The following CDK8 variants were observed in gnomAD, a reference collection of about 807,000 sequenced individuals.
CDK8 encodes cyclin-dependent kinase 8.
Under a neutral mutation model 71.5 loss-of-function variants are expected in CDK8, and 29 were observed. The observed-to-expected ratio is 0.41, with a 90% confidence interval of 0.30 to 0.55. The LOEUF (loss-of-function observed/expected upper bound fraction) is 0.55, where lower values mean the gene tolerates loss of function less well. CDK8 is among the 20% of genes least tolerant of loss of function. The pLI is 0.37. For missense variants in CDK8, 288 were observed against 572.6 expected, an observed-to-expected ratio of 0.50 and a Z score of 5.07; for synonymous variants, 161 against 192.1, an observed-to-expected ratio of 0.84 and a Z score of 1.34.
chr13:26,350,885 A>G (rs1019387679), intron 3 of CDK8, among the ~76,000 whole-genome samples: 10 of 152,268 alleles, frequency 6.6e-5, no homozygotes, highest in African/African-American at 2.4e-4. Context: ...TATTTTTTAA[A>G]TTGGTATTTG....
intron 4 of CDK8, among the ~76,000 whole-genome samples, chr13:26,361,608 TG>T (rs1404571110): frequency 6.6e-6 from 1 of 152,228 alleles, no homozygotes; most frequent in East Asian, 1.9e-4. Flanking sequence ...GTATGGGTAC[TG>T]GAAGTACAGT....
chr13:26,369,526 ATT>A (rs1203523401), intron 4 of CDK8, among the ~76,000 whole-genome samples: 8 of 98,436 alleles, frequency 8.1e-5, no homozygotes, highest in South Asian at 3.6e-4. Flanking sequence ...AGGTTGGACG[ATT>A]TTTTTTTTTT....
chr13:26,262,589 A>C (rs1871819812), intron 1 of CDK8, among the ~76,000 whole-genome samples: 1 of 152,252 alleles, frequency 6.6e-6, no homozygotes, highest in Admixed American at 6.5e-5. Flanking sequence ...CAAAGGCAAG[A>C]GCAAGCTCGG....
At chr13:26,307,551 T>C (rs1874100635) in intron 1 of CDK8, among the ~76,000 whole-genome samples, 1 of 152,208 alleles carries the variant, frequency 6.6e-6, no homozygotes, top group African/African-American at 2.4e-5. Context: ...TTTAGCTCAG[T>C]GAGACCTATG....
At chr13:26,276,141 G>GT (rs1872555897) in intron 1 of CDK8, among the ~76,000 whole-genome samples, 3 of 152,286 alleles carry the variant, frequency 2.0e-5, no homozygotes, top group African/African-American at 7.2e-5. Context: ...GATTACAGGC[G>GT]TGAGTAACCG....
At chr13:26,347,131 G>A (rs906033898) in intron 2 of CDK8, among the ~76,000 whole-genome samples, 2 of 151,912 alleles carry the variant, frequency 1.3e-5, no homozygotes, top group African/African-American at 4.8e-5. Flanking sequence ...TTTACTGGAT[G>A]GATTGTTAGG....
chr13:26,394,752 G>A (rs1875905463), intron 7 of CDK8, among the ~76,000 whole-genome samples: 1 of 152,170 alleles, frequency 6.6e-6, no homozygotes, highest in African/African-American at 2.4e-5. Context: ...AAAGCAGGCA[G>A]CAGAGGTTAG....
chr13:26,280,193 G>A (rs1419621042), intron 1 of CDK8, among the ~76,000 whole-genome samples: 1 of 152,168 alleles, frequency 6.6e-6, no homozygotes, highest in African/African-American at 2.4e-5. Flanking sequence ...TTTTCAGCGA[G>A]AATACTTAGG....
At chr13:26,280,804 G>A (rs9512178) in intron 1 of CDK8, among the ~76,000 whole-genome samples, 8,174 of 152,300 alleles carry the variant, frequency 0.054, 266 homozygotes, top group South Asian at 0.069. Flanking sequence ...GTTCAAGATG[G>A]TGGATAGGAG....
At chr13:26,294,012 T>G (rs1873426174) in intron 1 of CDK8, among the ~76,000 whole-genome samples, 1 of 152,218 alleles carries the variant, frequency 6.6e-6, no homozygotes, top group Non-Finnish European at 1.5e-5. Flanking sequence ...ATAAGTGAGA[T>G]CATGTGGTAT....
At position 26,400,533 on chromosome 13, in the gene CDK8, C is replaced by A. The variant is rs758599147; in HGVS notation, c.1014C>A (p.Asp338Glu). The change falls in exon 10 of 13, where the codon GAC becomes GAA. Residue 338 changes from aspartate to glutamate, a missense_variant. Physicochemically the swap from Asp to Glu is conservative, Grantham distance 45. Coordinates refer to ENST00000381527, the MANE Select transcript of CDK8 (RefSeq NM_001260.3). ...TGCAGGACCCCTATTTCTTAGAAGA[C>A]CCACTTCCTACATCAGAGTAAGTGG... ...QAMQDPYFLE[D>E]PLPTSDVFAG... 2.8e-5 allele frequency: 45 copies of A among 1,608,154 alleles called. No individual in the cohort carries two copies. The highest frequency in any genetic ancestry group is 1.0e-4 in the Admixed American group (6 of 59,960).
intron 2 of CDK8, 55 bp from the exon 3 acceptor site, chr13:26,349,017 T>C (rs1873579448): frequency 9.6e-7 from 1 of 1,043,798 alleles, no homozygotes; most frequent in South Asian, 1.3e-5. Context: ...TGGTGTGGGG[T>C]TTTTTACATT....
At chr13:26,368,492 A>C (rs536759370) in intron 4 of CDK8, among the ~76,000 whole-genome samples, 1 of 152,300 alleles carries the variant, frequency 6.6e-6, no homozygotes, top group Admixed American at 6.5e-5. Context: ...ACCACTAAGA[A>C]AGAAAACATG....
intron 6 of CDK8, among the ~76,000 whole-genome samples, chr13:26,387,181 C>G (rs1010958987): frequency 6.6e-6 from 1 of 152,158 alleles, no homozygotes; most frequent in African/African-American, 2.4e-5. Context: ...GAAAAGCCTA[C>G]TATCTGTGAA....
chr13:26,269,420 A>G (rs182573626), intron 1 of CDK8, among the ~76,000 whole-genome samples: 177 of 152,344 alleles, frequency 1.2e-3, no homozygotes, highest in African/African-American at 4.0e-3. Context: ...TTTAGCCAAG[A>G]CTAGCTGACC....
intron 1 of CDK8, among the ~76,000 whole-genome samples, chr13:26,333,664 A>G (rs375975548): frequency 6.6e-6 from 1 of 152,180 alleles, no homozygotes; most frequent in African/African-American, 2.4e-5. Flanking sequence ...ACCTTCAGGC[A>G]ATGTGTATAT....
At chr13:26,256,612 A>C (rs1871535790) in intron 1 of CDK8, among the ~76,000 whole-genome samples, 1 of 152,208 alleles carries the variant, frequency 6.6e-6, no homozygotes, top group Non-Finnish European at 1.5e-5. Flanking sequence ...GGGGGTACTT[A>C]AGCACATTTT....
At chr13:26,378,116 A>G (rs117187072) in intron 4 of CDK8, among the ~76,000 whole-genome samples, 57 of 152,350 alleles carry the variant, frequency 3.7e-4, no homozygotes, top group Non-Finnish European at 7.2e-4. Context: ...CCTGGAATAA[A>G]GTTATTGCCG....
chr13:26,385,428 A>G, intron 6 of CDK8, 86 bp downstream of exon 6: 1 of 1,106,596 alleles, frequency 9.0e-7, no homozygotes, highest in South Asian at 1.8e-5. Flanking sequence ...ATTAAGTAGT[A>G]TAGCAAATTA....
Sources: gnomAD v4.1 joint callset for allele counts (sites outside exome capture counted in the v4.1 genomes callset) on GRCh38, gnomAD v4.1.1 for gene constraint, MANE v1.5 for transcripts, NCBI Gene and HGNC (gene_info 2026-07-23, HGNC 2026-07-21) for gene names.